LPA: variants seen among roughly 807,000 people sequenced by gnomAD.
LPA encodes the protein apolipoprotein(a).
A neutral mutation model predicts 197.9 loss-of-function variants in LPA; 199 were observed. The observed-to-expected ratio is 1.01, with a 90% CI of 0.90 to 1.13. LPA has a LOEUF of 1.13. Among genes scored for constraint, LPA ranks in the 50% most tolerant of loss-of-function variants. LPA has a pLI of 0.00. For missense variants in LPA, 1,853 were observed against 1,785.8 expected (o/e 1.04, Z -0.68); for synonymous variants, 715 against 639.5 (o/e 1.12, Z -1.78).
intron 2 of LPA, among the ~76,000 whole-genome samples, chr6:160,648,716 T>G (rs896147778): frequency 3.2e-4 from 48 of 152,182 alleles, no homozygotes; most frequent in African/African-American, 1.1e-3. Context: ...ATCTAGTAAT[T>G]TTTTCATTTA....
intron 16 of LPA, among the ~76,000 whole-genome samples, chr6:160,609,951 A>G (rs1192547660): frequency 6.6e-6 from 1 of 152,026 alleles, no homozygotes; most frequent in African/African-American, 2.4e-5. Flanking sequence ...TTTAAGACAT[A>G]CTTTTTGTAT....
chr6:160,548,365 C>T, intron 31 of LPA, 113 bp downstream of exon 31: 5 of 1,082,400 alleles, frequency 4.6e-6, no homozygotes, highest in Middle Eastern at 2.8e-4. Flanking sequence ...CACTCGAGCT[C>T]CCGTGTAGCA....
chr6:160,654,031 T>TATA (rs1408513035), intron 1 of LPA, among the ~76,000 whole-genome samples: 2 of 10,680 alleles, frequency 1.9e-4, no homozygotes, highest in Non-Finnish European at 2.8e-4. Flanking sequence ...ATATATAATA[T>TATA]ATATTATATA....
intron 30 of LPA, among the ~76,000 whole-genome samples, chr6:160,553,959 G>GCGCGCA (rs1778212309): frequency 1.3e-5 from 2 of 148,390 alleles, no homozygotes; most frequent in African/African-American, 5.1e-5. Flanking sequence ...GTGTGTGCGC[G>GCGCGCA]CGCGCGCGTG....
chr6:160,604,622 C>T (rs1302014084), intron 18 of LPA, among the ~76,000 whole-genome samples: 2 of 152,146 alleles, frequency 1.3e-5, no homozygotes, highest in African/African-American at 4.8e-5. Context: ...AGATTTGCCT[C>T]TCCATAGATA....
chr6:160,569,425 C>G (rs9364562), intron 28 of LPA, among the ~76,000 whole-genome samples: 1 of 151,726 alleles, frequency 6.6e-6, no homozygotes, highest in Non-Finnish European at 1.5e-5. Context: ...AACTGCCTAG[C>G]CATATGTAGA....
intron 28 of LPA, among the ~76,000 whole-genome samples, chr6:160,560,721 T>A (rs758613093): frequency 2.0e-5 from 3 of 152,082 alleles, no homozygotes; most frequent in Non-Finnish European, 4.4e-5. Context: ...ACAGAATTTT[T>A]CTCCATAGGT....
At chr6:160,541,383 A>G (rs1333210347) in intron 34 of LPA, among the ~76,000 whole-genome samples, 1 of 152,204 alleles carries the variant, frequency 6.6e-6, no homozygotes, top group African/African-American at 2.4e-5. Flanking sequence ...CATCTGTGCC[A>G]CTTTTTTTGA....
At chr6:160,556,478 T>G (rs1778265454) in intron 29 of LPA, among the ~76,000 whole-genome samples, 2 of 152,154 alleles carry the variant, frequency 1.3e-5, no homozygotes, top group South Asian at 4.1e-4. Flanking sequence ...TGGTTGTTCA[T>G]GAAAACAATG....
chr6:160,602,054 T>C (rs1779251509), intron 18 of LPA, among the ~76,000 whole-genome samples: 1 of 152,192 alleles, frequency 6.6e-6, no homozygotes, highest in African/African-American at 2.4e-5. Context: ...TCGTGACCTG[T>C]GGCTGCCTGG....
chr6:160,560,511 G>T (rs921959616), intron 28 of LPA, among the ~76,000 whole-genome samples: 21 of 152,270 alleles, frequency 1.4e-4, no homozygotes, highest in Non-Finnish European at 1.2e-4. Context: ...GTATCTCATT[G>T]TGGTTTCGAT....
intron 33 of LPA, among the ~76,000 whole-genome samples, chr6:160,543,443 T>C (rs1778016589): frequency 6.6e-6 from 1 of 152,080 alleles, no homozygotes; most frequent in Non-Finnish European, 1.5e-5. Flanking sequence ...AGTTAATAAT[T>C]ATTCATATAA....
At position 160,595,391 on chromosome 6, in the gene LPA, C is replaced by T. The variant is rs982226093; in HGVS notation, c.3432G>A (p.Val1144=). The T allele has an allele frequency of 6.2e-7, 1 of 1,613,482 alleles. No individual in the cohort carries two copies. Residue 1144 remains valine, a synonymous_variant, in exon 21 of 39, where the codon GTG becomes GTA. Coordinates refer to ENST00000316300, the MANE Select transcript of LPA (RefSeq NM_005577.4). ...TESSVLATLT[V]VPDPSTEASS... is the part of the protein sequence containing the mutation. ...AAGCCTCTGTGCTTGGATCTGGGAC[C>T]ACCGTGAGAGTTGCAAGGACACTTG...
At chr6:160,588,343 T>G (rs1044692697) in intron 24 of LPA, among the ~76,000 whole-genome samples, 2 of 152,052 alleles carry the variant, frequency 1.3e-5, no homozygotes, top group South Asian at 2.1e-4. Flanking sequence ...TTGTTGGAGT[T>G]TTTCTGGAGT....
chr6:160,597,901 G>T (rs1431430195), intron 20 of LPA, among the ~76,000 whole-genome samples: 1 of 152,164 alleles, frequency 6.6e-6, no homozygotes, highest in Non-Finnish European at 1.5e-5. Flanking sequence ...TAACTTTGTT[G>T]TTCACCTGTA....
rs868210354 is a variant in LPA at position 160,635,869 on chromosome 6, C to G, written c.894-565G>C. The stretch of plus-strand genomic sequence containing the variant: ...TAGTGAAAAGGCTCTACCTTTCCCA[C>G]AGAAAAGCATTGTGCAAATAGTATT... On this transcript the variant is annotated intron_variant, in intron 6 of 38. Transcript: ENST00000316300. Among the ~76,000 whole-genome samples, 600 of 83,294 alleles carry G rather than the reference C, an allele frequency of 7.2e-3. 5 individuals carry two copies. Among genetic ancestry groups the G allele is most frequent in the African/African-American group, 0.038 (575 of 15,282 alleles). The allele number at this position is 83,294 out of a possible 152,430, so 54.6% of individuals were successfully genotyped here.
intron 1 of LPA, among the ~76,000 whole-genome samples, chr6:160,654,528 C>A (rs752849308): frequency 2.0e-5 from 3 of 152,100 alleles, no homozygotes; most frequent in African/African-American, 4.8e-5. Context: ...TCCTTGTCAA[C>A]TTGAACCCAT....
At chr6:160,577,093 G>A in intron 28 of LPA, 43 bp downstream of exon 28, 2 of 1,608,034 alleles carry the variant, frequency 1.2e-6, no homozygotes, top group African/African-American at 1.3e-5. Flanking sequence ...ACCAATATTT[G>A]AGTTGGCTGT....
chr6:160,658,133 G>A (rs1780162575), intron 1 of LPA, among the ~76,000 whole-genome samples: 1 of 152,078 alleles, frequency 6.6e-6, no homozygotes, highest in Non-Finnish European at 1.5e-5. Flanking sequence ...GTCAGGGAGG[G>A]GATGTTACCA....
Sources: gnomAD v4.1 joint callset for allele counts (sites outside exome capture counted in the v4.1 genomes callset) on GRCh38, gnomAD v4.1.1 for gene constraint, MANE v1.5 for transcripts, NCBI Gene and HGNC (gene_info 2026-07-23, HGNC 2026-07-21) for gene names.